Variants in COL4A4 observed in about 807,000 individuals in gnomAD.
COL4A4 encodes the protein collagen alpha-4(IV) chain.
A neutral mutation model predicts 192.9 loss-of-function variants in COL4A4; 105 were observed. That is an observed-to-expected ratio of 0.54 (90% CI 0.46 to 0.64). The LOEUF (loss-of-function observed/expected upper bound fraction) is 0.64. Among genes scored for constraint, COL4A4 ranks in the 30% least tolerant of loss-of-function variants. The pLI is 0.00. For synonymous variants in COL4A4, 762 were observed against 769.9 expected, an observed-to-expected ratio of 0.99 and a Z score of 0.17; for missense variants, 1,967 against 2,169.3, an observed-to-expected ratio of 0.91 and a Z score of 1.85.
intron 4 of COL4A4, among the ~76,000 whole-genome samples, chr2:227,137,252 G>T (rs552956587): frequency 6.6e-6 from 1 of 152,206 alleles, no homozygotes. Context: ...GGACATAGAA[G>T]AGAAGGACCA....
chr2:227,148,123 A>G (rs943651699), intron 1 of COL4A4, among the ~76,000 whole-genome samples: 13 of 152,220 alleles, frequency 8.5e-5, no homozygotes, highest in Non-Finnish European at 4.4e-5. Context: ...ACATAGAGTT[A>G]CTATATGATC....
the COL4A4 span, among the ~76,000 whole-genome samples, chr2:226,984,185 C>G: frequency 1.3e-5 from 2 of 152,392 alleles, no homozygotes; most frequent in African/African-American, 4.8e-5. Flanking sequence ...ACCTGCTGAA[C>G]TACCAGTTGC....
Position 227,103,314 on chromosome 2 carries a change from A to G in COL4A4, c.817-117T>C. On this transcript the variant is annotated intron_variant, in intron 13 of 47. Coordinates refer to ENST00000396625, the MANE Select transcript of COL4A4 (RefSeq NM_000092.5). The stretch of plus-strand genomic sequence containing the variant: ...GTTTCACCTTAAAAAAAAAAATCTT[A>G]AGAGATTACTCTTCACCTGTTCTAA... 3 of 798,508 alleles carry G rather than the reference A, an allele frequency of 3.8e-6. No homozygotes were observed. In the South Asian group the frequency reaches 4.9e-5, roughly 13 times the overall value. 49.5% of individuals were successfully genotyped at this position (798,508 alleles called of 1,614,324 possible).
chr2:227,114,622 A>G lies in COL4A4; in HGVS notation c.558+6T>C. ...TTTTTTAACCCATCATGATCATAAT[A>G]CTTACCTGAATACCTTTAACGGCAC... On this transcript the variant is annotated splice_donor_region_variant and intron_variant, in intron 8 of 47. Coordinates refer to ENST00000396625, the MANE Select transcript of COL4A4 (RefSeq NM_000092.5). 6.2e-7 allele frequency: 1 copy of G among 1,613,074 alleles called. No homozygotes were observed. Among genetic ancestry groups the G allele is most frequent in the Non-Finnish European group, 8.5e-7 (1 of 1,179,068 alleles).
At chr2:227,060,271 A>G (rs763597420) in intron 26 of COL4A4, 28 bp from the exon 27 acceptor site, 1 of 1,436,728 alleles carries the variant, frequency 7.0e-7, no homozygotes, top group East Asian at 2.3e-5. Flanking sequence ...CAAAACACAG[A>G]CTCAATAAAA....
intron 34 of COL4A4, among the ~76,000 whole-genome samples, chr2:227,049,400 A>C (rs1973569941): frequency 6.6e-6 from 1 of 152,106 alleles, no homozygotes; most frequent in South Asian, 2.1e-4. Flanking sequence ...AAACAGCCAC[A>C]CTCCTTTGTT....
chr2:227,101,352 A>AATT, intron 17 of COL4A4, 152 bp downstream of exon 17: 1 of 680,796 alleles, frequency 1.5e-6, no homozygotes, highest in East Asian at 2.8e-5. Flanking sequence ...CATGAAAAAC[A>AATT]GACTAATGTA....
the COL4A4 span, among the ~76,000 whole-genome samples, chr2:226,972,728 C>T: frequency 2.0e-5 from 3 of 152,188 alleles, no homozygotes; most frequent in Non-Finnish European, 2.9e-5. Flanking sequence ...AGACTGGTCT[C>T]TCGAGTCCAG....
intron 17 of COL4A4, among the ~76,000 whole-genome samples, chr2:227,100,802 G>A (rs1049153801): frequency 3.4e-5 from 5 of 147,564 alleles, no homozygotes; most frequent in Admixed American, 2.7e-4. Context: ...TCTTTCCTGC[G>A]CTATTCTTTT....
chr2:227,132,870 G>C (rs2062571899), intron 4 of COL4A4, among the ~76,000 whole-genome samples: 1 of 152,122 alleles, frequency 6.6e-6, no homozygotes, highest in African/African-American at 2.4e-5. Flanking sequence ...TATTGAATAT[G>C]GTTGTTTGAA....
Position 227,149,778 on chromosome 2 carries a change from T to C in COL4A4, c.-101-2194A>G, listed in dbSNP as rs189246127. Among the ~76,000 whole-genome samples, 624 of 152,314 alleles carry C rather than the reference T, an allele frequency of 4.1e-3. 4 individuals are homozygous for C. The highest frequency in any genetic ancestry group is 0.01 in the South Asian group (49 of 4,824). On this transcript the variant is annotated intron_variant, in intron 1 of 47. Transcript: ENST00000396625. ...ATTTTATTAAAATAGAGTGTTGTTGTGGTCACGTTCCAGAGAGGGAAGGCC... is the reference window on the plus strand; with the variant it reads ...ATTTTATTAAAATAGAGTGTTGTTGCGGTCACGTTCCAGAGAGGGAAGGCC...
intron 19 of COL4A4, among the ~76,000 whole-genome samples, chr2:227,094,830 A>G (rs1355933267): frequency 6.6e-6 from 1 of 152,142 alleles, no homozygotes. Flanking sequence ...AATATAAACA[A>G]TTTTTATATG....
chr2:226,992,663 T>TG, the COL4A4 span, among the ~76,000 whole-genome samples: 1 of 152,228 alleles, frequency 6.6e-6, no homozygotes, highest in Non-Finnish European at 1.5e-5. Context: ...CTGGAACTTC[T>TG]TATTTTTCTG....
chr2:227,110,184 G>T (rs79214445), intron 9 of COL4A4, among the ~76,000 whole-genome samples: 1 of 152,014 alleles, frequency 6.6e-6, no homozygotes, highest in African/African-American at 2.4e-5. Flanking sequence ...GATGTTCCCC[G>T]GGCTCCTGCT....
At chr2:227,110,040 C>A (rs762746408) in intron 9 of COL4A4, among the ~76,000 whole-genome samples, 3 of 151,966 alleles carry the variant, frequency 2.0e-5, no homozygotes, top group African/African-American at 7.3e-5. Context: ...TCTCAAATTG[C>A]GGAAATATAG....
chr2:226,974,786 C>T, the COL4A4 span, among the ~76,000 whole-genome samples: 1 of 152,160 alleles, frequency 6.6e-6, no homozygotes. Context: ...CTGTACAGTG[C>T]TGAGAGTCGT....
intron 5 of COL4A4, among the ~76,000 whole-genome samples, chr2:227,120,498 C>T (rs1411081630): frequency 6.6e-6 from 1 of 152,060 alleles, no homozygotes; most frequent in Admixed American, 6.6e-5. Context: ...AACAATATAA[C>T]TTCTCACTGG....
At chr2:227,160,503 G>A (rs1225817645) in intron 1 of COL4A4, among the ~76,000 whole-genome samples, 1 of 152,042 alleles carries the variant, frequency 6.6e-6, no homozygotes, top group Non-Finnish European at 1.5e-5. Flanking sequence ...TGTTGAGAGG[G>A]AATTTCCAGG....
At position 227,008,199 on chromosome 2, in the gene COL4A4, A is replaced by T; in HGVS notation, c.4628T>A (p.Leu1543Gln). 1.2e-6 allele frequency: 2 copies of T among 1,614,218 alleles called. No individual in the cohort carries two copies. The highest frequency in any genetic ancestry group is 8.5e-7 in the Non-Finnish European group (1 of 1,180,030). Residue 1543 changes from leucine to glutamine, a missense_variant, in exon 47 of 48, where the codon CTG becomes CAG. Coordinates refer to ENST00000396625, the MANE Select transcript of COL4A4 (RefSeq NM_000092.5). ...CATGGGGAGGGGCGCAGCGCTGGCC[A>T]GCCAGTAGGATCTGTCGTTTCTCTG... is the stretch of plus-strand genomic sequence containing the variant. ...YAQRNDRSYW[L>Q]ASAAPLPMMP...
Sources: allele counts gnomAD v4.1 joint callset (sites outside exome capture counted in the v4.1 genomes callset), GRCh38; gene constraint gnomAD v4.1.1; transcripts MANE v1.5; gene names NCBI Gene and HGNC (gene_info 2026-07-23, HGNC 2026-07-21).